The following C16orf87 variants were observed in gnomAD, a reference collection of about 807,000 sequenced individuals.
The protein encoded by C16orf87 is HDAC and MIER1 interacting protein 1, also known as UPF0547 protein C16orf87.
A neutral mutation model predicts 21.0 loss-of-function variants in C16orf87; 13 were observed. That is an observed-to-expected ratio of 0.62 (90% confidence interval 0.40 to 0.98). The LOEUF is 0.98. Ranked by LOEUF, C16orf87 falls within the 50% of genes least tolerant of loss-of-function variation. The pLI is 0.00. For missense variants in C16orf87, 113 were observed against 180.4 expected, an observed-to-expected ratio of 0.63 and a Z score of 2.14; for synonymous variants, 49 against 60.2, an observed-to-expected ratio of 0.81 and a Z score of 0.86.
At position 46,799,429 on chromosome 16, in the gene C16orf87, AT is replaced by A. The variant is rs1182223139; in HGVS notation, c.*3522del. On this transcript the variant is annotated 3_prime_UTR_variant, in exon 4 of 4. Coordinates refer to ENST00000285697, the MANE Select transcript of C16orf87 (RefSeq NM_001001436.4). ...AAACTTTAATTAACTTAAATAAGAG[AT>A]TTGTTAACAACAATATGCCTTAAAG... is the stretch of plus-strand genomic sequence containing the variant. The A allele has an allele frequency of 3.3e-5, 5 of 152,200 alleles. No individual in the cohort carries two copies. Among genetic ancestry groups the A allele is most frequent in the Admixed American group, 6.5e-5 (1 of 15,268 alleles). The allele number at this position is 152,200 out of a possible 1,614,324, so 9.4% of individuals were successfully genotyped here. A position where few individuals can be genotyped will look rare whatever the true frequency, so the allele number is the denominator to read the frequency against.
chr16:46,811,632 C>CAACT (rs1968088928), intron 2 of C16orf87, among the ~76,000 whole-genome samples: 1 of 151,202 alleles, frequency 6.6e-6, no homozygotes, highest in Non-Finnish European at 1.5e-5. Flanking sequence ...ATCTAACTTA[C>CAACT]AACTAATAGG....
At chr16:46,822,205 CA>C (rs1445982096) in intron 2 of C16orf87, among the ~76,000 whole-genome samples, 1 of 152,216 alleles carries the variant, frequency 6.6e-6, no homozygotes, top group Non-Finnish European at 1.5e-5. Context: ...CATAAGCCAT[CA>C]TGCCTGGCCC....
intron 2 of C16orf87, among the ~76,000 whole-genome samples, chr16:46,815,318 T>C (rs1166233260): frequency 6.6e-6 from 1 of 151,642 alleles, no homozygotes; most frequent in Non-Finnish European, 1.5e-5. Flanking sequence ...TTCATGACAT[T>C]GGATTTTGGC....
At chr16:46,825,885 G>A (rs550042296) in intron 1 of C16orf87, among the ~76,000 whole-genome samples, 1 of 147,930 alleles carries the variant, frequency 6.8e-6, no homozygotes, top group East Asian at 2.0e-4. Flanking sequence ...TTGCACTCTA[G>A]CCTGGGCAAC....
At position 46,803,006 on chromosome 16, in the gene C16orf87, T is replaced by C; in HGVS notation, c.411A>G (p.Ser137=). The change falls in exon 4 of 4, where the codon TCA becomes TCG. Residue 137 remains serine (S), a synonymous_variant. Coordinates refer to ENST00000285697, the MANE Select transcript of C16orf87 (RefSeq NM_001001436.4). ...TTCTATTTATTTCTGCCAAGGCGAC[T>C]GAAAACACGAAAGCCTTTTCATCAG... ...NLSDEKAFVF[S]VALAEINRKI... The C allele has an allele frequency of 6.2e-7, 1 of 1,607,532 alleles. No individual in the cohort carries two copies. The highest frequency in any genetic ancestry group is 8.5e-7 in the Non-Finnish European group (1 of 1,175,156).
At chr16:46,804,677 C>T (rs1967872512) in intron 3 of C16orf87, among the ~76,000 whole-genome samples, 1 of 152,116 alleles carries the variant, frequency 6.6e-6, no homozygotes, top group African/African-American at 2.4e-5. Context: ...GGAGTTCTGA[C>T]AAACATATAC....
intron 1 of C16orf87, among the ~76,000 whole-genome samples, chr16:46,827,803 G>C (rs1395696166): frequency 6.6e-6 from 1 of 151,104 alleles, no homozygotes; most frequent in East Asian, 1.9e-4. Flanking sequence ...GGCTGGTCTC[G>C]AACTCCTGAC....
At position 46,822,267 on chromosome 16, in the gene C16orf87, T is replaced by C. The variant is rs148689312; in HGVS notation, c.163+2119A>G. On this transcript the variant is annotated intron_variant, in intron 2 of 3. Transcript: ENST00000285697. ...TTTCTTAACTCATTTCTCATCTGAATCACTGGTACATAAAAGGAGCTCAAA... is the reference window on the plus strand; with the variant it reads ...TTTCTTAACTCATTTCTCATCTGAACCACTGGTACATAAAAGGAGCTCAAA... Among the ~76,000 whole-genome samples, 527 of 152,300 alleles carry C rather than the reference T, an allele frequency of 3.5e-3. 2 individuals carry two copies. Among genetic ancestry groups the C allele is most frequent in the African/African-American group, 0.012 (498 of 41,554 alleles).
intron 1 of C16orf87, among the ~76,000 whole-genome samples, chr16:46,830,306 G>C (rs79349569): frequency 4.7e-5 from 7 of 149,142 alleles, no homozygotes; most frequent in African/African-American, 1.7e-4. Flanking sequence ...GAGAGAGAGA[G>C]AGACACACAG....
Position 46,809,692 on chromosome 16 carries a change from CTCTT to C in C16orf87, c.253_256del (p.Lys85GlyfsTer58). 1 of 1,609,592 alleles carries C rather than the reference CTCTT, an allele frequency of 6.2e-7. No individual in the cohort carries two copies. ...ATCTGAATGGCTGTTACTTCGAGACCTCTTTCTGTTTTCTAAATCTTTATTTACT... is the reference window on the plus strand; with the variant it reads ...ATCTGAATGGCTGTTACTTCGAGACCTCTGTTTTCTAAATCTTTATTTACT... On this transcript the variant is annotated frameshift_variant, in exon 3 of 4. Coordinates refer to ENST00000285697, the MANE Select transcript of C16orf87 (RefSeq NM_001001436.4). LOFTEE classifies it high-confidence loss of function.
At chr16:46,806,933 T>G (rs1487637097) in intron 3 of C16orf87, among the ~76,000 whole-genome samples, 1 of 152,210 alleles carries the variant, frequency 6.6e-6, no homozygotes, top group African/African-American at 2.4e-5. Context: ...TGCTTCAAAA[T>G]TTTCAAATGC....
intron 3 of C16orf87, among the ~76,000 whole-genome samples, chr16:46,809,364 C>A (rs1018788151): frequency 3.3e-5 from 5 of 151,802 alleles, no homozygotes; most frequent in African/African-American, 1.2e-4. Flanking sequence ...ACTCTATTAT[C>A]ATCAGTTTAT....
chr16:46,810,007 T>C (rs938707146), intron 2 of C16orf87, among the ~76,000 whole-genome samples: 1 of 152,184 alleles, frequency 6.6e-6, no homozygotes, highest in African/African-American at 2.4e-5. Context: ...AGGAGGAATC[T>C]TGGAAGAGAA....
chr16:46,814,760 A>T (rs1351561830), intron 2 of C16orf87, among the ~76,000 whole-genome samples: 1 of 152,236 alleles, frequency 6.6e-6, no homozygotes, highest in Non-Finnish European at 1.5e-5. Context: ...GGAAGAACAA[A>T]GATAGTTCAA....
chr16:46,805,534 T>C (rs576811913), intron 3 of C16orf87, among the ~76,000 whole-genome samples: 2 of 152,332 alleles, frequency 1.3e-5, no homozygotes, highest in African/African-American at 4.8e-5. Context: ...TAGTAGTTTA[T>C]AGTTTTTCTT....
chr16:46,806,538 C>T (rs1041406180), intron 3 of C16orf87, among the ~76,000 whole-genome samples: 1 of 152,146 alleles, frequency 6.6e-6, no homozygotes, highest in Non-Finnish European at 1.5e-5. Context: ...GGATTACAGG[C>T]GTGAGCCACC....
rs1186533147 is a variant in C16orf87, at chr16:46,797,324, T to C, written c.*5628A>G. 2.6e-5 allele frequency: 4 copies of C among 152,138 alleles called. No individual in the cohort carries two copies. Among genetic ancestry groups the C allele is most frequent in the Non-Finnish European group, 4.4e-5 (3 of 68,018 alleles). The allele number at this position is 152,138 out of a possible 1,614,324, so 9.4% of individuals were successfully genotyped here. ...ATCTATGATAGTTGTAAGGAAAAAA[T>C]ACATTATCTGATGAGTCTTATTTTT... On this transcript the variant is annotated 3_prime_UTR_variant, in exon 4 of 4. Coordinates refer to ENST00000285697, the MANE Select transcript of C16orf87 (RefSeq NM_001001436.4).
In C16orf87 at chr16:46,799,939, A is replaced by G. The variant is rs1967722862; in HGVS notation, c.*3013T>C. The G allele has an allele frequency of 6.6e-6, 1 of 152,204 alleles. No individual in the cohort carries two copies. Among genetic ancestry groups the G allele is most frequent in the Admixed American group, 6.5e-5 (1 of 15,282 alleles). 9.4% of individuals were successfully genotyped at this position (152,204 alleles called of 1,614,324 possible). ...CAGGTGTAAGCCACCATGCCTGGCC[A>G]ATTAATACTTTATATAAAAGTAAGT... On this transcript the variant is annotated 3_prime_UTR_variant, in exon 4 of 4. Coordinates refer to ENST00000285697, the MANE Select transcript of C16orf87 (RefSeq NM_001001436.4).
intron 2 of C16orf87, among the ~76,000 whole-genome samples, chr16:46,821,161 T>C (rs536801670): frequency 6.6e-6 from 1 of 152,328 alleles, no homozygotes; most frequent in East Asian, 1.9e-4. Context: ...AATTACTGAG[T>C]ACCTAAAACT....
Sources: allele counts gnomAD v4.1 joint callset (sites outside exome capture counted in the v4.1 genomes callset), GRCh38; gene constraint gnomAD v4.1.1; transcripts MANE v1.5; gene names NCBI Gene and HGNC (gene_info 2026-07-23, HGNC 2026-07-21).